MDFIC: variants seen among roughly 807,000 people sequenced by gnomAD.
MDFIC encodes myoD family inhibitor domain-containing protein.
A neutral mutation model predicts 23.2 loss-of-function variants in MDFIC; 17 were observed. The ratio of observed to expected loss-of-function variants is 0.73; its 90% CI spans 0.50 to 1.10. The LOEUF is 1.10. MDFIC is among the 50% of genes least tolerant of loss of function. The pLI, the probability that MDFIC is intolerant of heterozygous loss-of-function variation, is 0.00. For synonymous variants in MDFIC, 120 were observed against 115.2 expected, an observed-to-expected ratio of 1.04 and a Z score of -0.27; for missense variants, 356 against 316.6, an observed-to-expected ratio of 1.12 and a Z score of -0.95.
rs1480927813 is a variant in MDFIC at position 114,922,966 on chromosome 7, C to T, written c.-68C>T. The T allele has an allele frequency of 2.6e-6, 4 of 1,557,708 alleles. No homozygotes were observed. The highest frequency in any genetic ancestry group is 1.9e-4 in the Middle Eastern group (1 of 5,336). Reference sequence around the variant, plus strand: ...CTGCACCCAGCACCTCACAGCCCTTCCTCCGTGCGCCCTGCCGGGCGGCGA... The same window carrying T: ...CTGCACCCAGCACCTCACAGCCCTTTCTCCGTGCGCCCTGCCGGGCGGCGA... On this transcript the variant is annotated 5_prime_UTR_variant, in exon 2 of 5. Transcript: ENST00000393486.
chr7:114,976,937 A>G (rs1001900031), intron 3 of MDFIC, among the ~76,000 whole-genome samples: 2 of 152,078 alleles, frequency 1.3e-5, no homozygotes, highest in Non-Finnish European at 2.9e-5. Flanking sequence ...TATCAACCCC[A>G]CGTATAACTG....
intron 2 of MDFIC, among the ~76,000 whole-genome samples, chr7:114,931,257 T>C (rs1255629739): frequency 1.3e-5 from 2 of 152,250 alleles, no homozygotes; most frequent in Non-Finnish European, 2.9e-5. Context: ...GTAGAAACTA[T>C]GAGAAGAGTT....
intron 3 of MDFIC, among the ~76,000 whole-genome samples, chr7:114,945,188 C>T (rs924269370): frequency 1.3e-5 from 2 of 152,132 alleles, no homozygotes; most frequent in African/African-American, 4.8e-5. Context: ...CCTTCTTTGC[C>T]GGACACTCAA....
chr7:115,010,335 TTAGAAA>T, intron 4 of MDFIC, among the ~76,000 whole-genome samples: 2 of 152,182 alleles, frequency 1.3e-5, no homozygotes, highest in Middle Eastern at 6.8e-3. Context: ...AAACTATGAC[TTAGAAA>T]TAGAAGGTTA....
At chr7:115,006,709 G>T (rs566028999) in intron 4 of MDFIC, among the ~76,000 whole-genome samples, 1 of 152,208 alleles carries the variant, frequency 6.6e-6, no homozygotes, top group African/African-American at 2.4e-5. Flanking sequence ...AAAACTAGAC[G>T]ATTTACTTGC....
In MDFIC at chr7:115,019,492, C is replaced by A. The variant is rs1437199214; in HGVS notation, c.*3557C>A. Among the ~76,000 whole-genome samples the A allele has an allele frequency of 6.6e-6, 1 of 152,016 alleles. No homozygotes were observed. ...GTTATAAACGTCAAACATCACTGCC[C>A]AACATAAATAAGACTCGAGACTTAT... is the stretch of plus-strand genomic sequence containing the variant. On this transcript the variant is annotated 3_prime_UTR_variant, in exon 5 of 5. Coordinates refer to ENST00000393486, the MANE Select transcript of MDFIC (RefSeq NM_001166345.3).
At chr7:114,931,527 T>G (rs1360263649) in intron 2 of MDFIC, among the ~76,000 whole-genome samples, 2 of 152,192 alleles carry the variant, frequency 1.3e-5, no homozygotes, top group East Asian at 3.8e-4. Context: ...ATTAAGAATG[T>G]ATAGTTTTGC....
intron 2 of MDFIC, chr7:114,923,365 G>C: frequency 3.0e-6 from 4 of 1,346,948 alleles, no homozygotes; most frequent in Non-Finnish European, 4.1e-6. Flanking sequence ...CTTTGGTTGC[G>C]AAGAAACAGG....
chr7:114,991,822 T>G (rs913688894), intron 4 of MDFIC, among the ~76,000 whole-genome samples: 1 of 152,244 alleles, frequency 6.6e-6, no homozygotes, highest in South Asian at 2.1e-4. Flanking sequence ...AGGATTGTAT[T>G]GGCAATGTGG....
intron 3 of MDFIC, among the ~76,000 whole-genome samples, chr7:114,946,582 A>G (rs917724370): frequency 6.6e-6 from 1 of 152,250 alleles, no homozygotes; most frequent in African/African-American, 2.4e-5. Context: ...GTGATTTTAT[A>G]GAATTCCCAT....
chr7:114,957,199 A>G (rs1206879179), intron 3 of MDFIC, among the ~76,000 whole-genome samples: 1 of 152,178 alleles, frequency 6.6e-6, no homozygotes, highest in Non-Finnish European at 1.5e-5. Context: ...GATTCTTGAT[A>G]TATTACATCG....
intron 4 of MDFIC, among the ~76,000 whole-genome samples, chr7:114,987,387 C>T (rs924223215): frequency 2.0e-5 from 3 of 152,148 alleles, no homozygotes; most frequent in Admixed American, 6.6e-5. Flanking sequence ...ATAATAGGAG[C>T]TCATGATATG....
chr7:114,988,018 T>C (rs1793543657), intron 4 of MDFIC, among the ~76,000 whole-genome samples: 1 of 152,206 alleles, frequency 6.6e-6, no homozygotes, highest in Admixed American at 6.6e-5. Flanking sequence ...TAGAGATAAC[T>C]CAAAATATGC....
chr7:114,984,103 T>A, intron 4 of MDFIC, among the ~76,000 whole-genome samples: 1 of 152,174 alleles, frequency 6.6e-6, no homozygotes, highest in East Asian at 1.9e-4. Context: ...TTTGTGTGAC[T>A]AAAGTTTTCT....
chr7:114,969,199 G>A (rs147018945), intron 3 of MDFIC, among the ~76,000 whole-genome samples: 65 of 152,186 alleles, frequency 4.3e-4, no homozygotes, highest in Non-Finnish European at 7.8e-4. Flanking sequence ...CTACACTTCC[G>A]CCATCCTCAT....
chr7:114,963,482 A>G (rs1396196393), intron 3 of MDFIC, among the ~76,000 whole-genome samples: 1 of 152,160 alleles, frequency 6.6e-6, no homozygotes, highest in Non-Finnish European at 1.5e-5. Context: ...TTGAAATGCC[A>G]TTCCTTGCTA....
chr7:115,012,848 C>T (rs1288330858), intron 4 of MDFIC, among the ~76,000 whole-genome samples: 4 of 151,748 alleles, frequency 2.6e-5, no homozygotes, highest in East Asian at 1.9e-4. Context: ...GCATGGTGGC[C>T]GGCACCTGTA....
intron 4 of MDFIC, among the ~76,000 whole-genome samples, chr7:114,981,038 T>A (rs969651865): frequency 6.6e-6 from 1 of 152,214 alleles, no homozygotes; most frequent in African/African-American, 2.4e-5. Context: ...GAGTTTGACA[T>A]GTAAGCTGCA....
At chr7:114,979,433 A>T (rs1368234614) in intron 3 of MDFIC, 73 bp from the exon 4 acceptor site, 2 of 1,419,860 alleles carry the variant, frequency 1.4e-6, no homozygotes, top group African/African-American at 2.9e-5. Flanking sequence ...CTGTTACTGA[A>T]TGTATTTTCA....
Sources: allele counts gnomAD v4.1 joint callset (sites outside exome capture counted in the v4.1 genomes callset), GRCh38; gene constraint gnomAD v4.1.1; transcripts MANE v1.5; gene names NCBI Gene and HGNC (gene_info 2026-07-23, HGNC 2026-07-21).